Variants in DPEP1 observed in about 807,000 individuals in gnomAD.
DPEP1 encodes the protein beta-lactamase.
In DPEP1, 50 loss-of-function variants were observed where a neutral mutation model predicts 42.3. That is an observed-to-expected ratio of 1.18 (90% confidence interval 0.94 to 1.50). The LOEUF is 1.50. Ranked by LOEUF, DPEP1 falls within the 40% of genes most tolerant of loss-of-function variation. DPEP1 has a pLI of 0.00. For synonymous variants in DPEP1, 297 were observed against 234.0 expected, an observed-to-expected ratio of 1.27 and a Z score of -2.46; for missense variants, 663 against 553.0, an observed-to-expected ratio of 1.20 and a Z score of -1.99.
chr16:89,615,958 C>G (rs1040674382), intron 1 of DPEP1, among the ~76,000 whole-genome samples: 20 of 152,184 alleles, frequency 1.3e-4, no homozygotes, highest in African/African-American at 4.8e-4. Flanking sequence ...CAGGCGTCCC[C>G]TACGTGTCGT....
intron 1 of DPEP1, among the ~76,000 whole-genome samples, chr16:89,628,132 C>G (rs2151488613): frequency 6.6e-6 from 1 of 152,090 alleles, no homozygotes; most frequent in African/African-American, 2.4e-5. Context: ...CCATGTTAGC[C>G]AGGATGGTCT....
intron 2 of DPEP1, among the ~76,000 whole-genome samples, chr16:89,633,917 C>T (rs2059623653): frequency 6.6e-6 from 1 of 152,136 alleles, no homozygotes; most frequent in Non-Finnish European, 1.5e-5. Context: ...ACTGAGGCCC[C>T]AGACCCAGTG....
intron 1 of DPEP1, among the ~76,000 whole-genome samples, chr16:89,627,145 C>T (rs916585084): frequency 2.6e-5 from 4 of 151,792 alleles, no homozygotes; most frequent in East Asian, 1.9e-4. Context: ...TGGTGGCGGG[C>T]GCCTGTAGTC....
chr16:89,632,715 C>G (rs1409966806), intron 2 of DPEP1, among the ~76,000 whole-genome samples: 1 of 152,182 alleles, frequency 6.6e-6, no homozygotes, highest in African/African-American at 2.4e-5. Flanking sequence ...GGCCTCCCTC[C>G]CACTGAGAAA....
intron 1 of DPEP1, among the ~76,000 whole-genome samples, chr16:89,627,212 G>C (rs897107083): frequency 6.7e-6 from 1 of 149,636 alleles, no homozygotes; most frequent in African/African-American, 2.5e-5. Flanking sequence ...GGCAGAGCTT[G>C]CAGTGAGCTG....
chr16:89,624,603 CGGCTCACTGCAACCTCT>C (rs1370396107), intron 1 of DPEP1, among the ~76,000 whole-genome samples: 2 of 151,804 alleles, frequency 1.3e-5, no homozygotes, highest in African/African-American at 4.8e-5. Flanking sequence ...GGCGCCATCT[CGGCTCACTGCAACCTCT>C]GCCTCCCAGG....
At chr16:89,640,957 C>T (rs1471716152), downstream of DPEP1, among the ~76,000 whole-genome samples, 2 of 152,160 alleles carry the variant, frequency 1.3e-5, no homozygotes, top group African/African-American at 4.8e-5. Context: ...GAGCCATCTC[C>T]AGTGATTGAT....
At chr16:89,633,433 A>T (rs2151495447) in intron 2 of DPEP1, among the ~76,000 whole-genome samples, 1 of 152,342 alleles carries the variant, frequency 6.6e-6, no homozygotes, top group Non-Finnish European at 1.5e-5. Context: ...GAGGTCAGGA[A>T]CGACTGGGAC....
At chr16:89,637,575 AG>A in intron 8 of DPEP1, 23 bp downstream of exon 8, 1 of 1,612,784 alleles carries the variant, frequency 6.2e-7, no homozygotes, top group Non-Finnish European at 8.5e-7. Context: ...TGAGCGGCCA[AG>A]GGGGCCGAAG....
rs2151505413 is a variant in DPEP1, at chr16:89,638,292, A to G, written c.*70A>G. On this transcript the variant is annotated 3_prime_UTR_variant, in exon 11 of 11. Coordinates refer to ENST00000690203, the MANE Select transcript of DPEP1 (RefSeq NM_001389466.1). ...GAAGACCCGCCCATCCCAGGACTCC[A>G]GATGCCAGGAGCCCTGCTGCCCACA... The G allele has an allele frequency of 1.4e-6, 2 of 1,466,222 alleles. No homozygotes were observed. The highest frequency in any genetic ancestry group is 2.4e-5 in the East Asian group (1 of 40,834). 90.8% of individuals were successfully genotyped at this position (1,466,222 alleles called of 1,614,324 possible).
At chr16:89,640,129 C>A (rs541926257), downstream of DPEP1, among the ~76,000 whole-genome samples, 3 of 152,324 alleles carry the variant, frequency 2.0e-5, no homozygotes, top group East Asian at 3.9e-4. Flanking sequence ...GAGCTTGGGG[C>A]TCAGTGCCTT....
downstream of DPEP1, among the ~76,000 whole-genome samples, chr16:89,641,227 G>GA (rs1491452468): frequency 6.6e-6 from 1 of 151,902 alleles, no homozygotes; most frequent in African/African-American, 2.4e-5. Flanking sequence ...CTGCGGGGGG[G>GA]GGTTGACTGA....
Position 89,637,963 on chromosome 16 carries a change from G to A in DPEP1, c.1057G>A (p.Val353Met). Residue 353 changes from valine (V) to methionine (M), a missense_variant, in exon 10 of 11, where the codon GTG (valine) becomes ATG (methionine). By Grantham distance (21) the Val-to-Met change is conservative. Transcript: ENST00000690203. ...ADNLLRVFEA[V>M]EQASNLTQAP... ...CAACCTGCTGAGGGTCTTCGAGGCT[G>A]TGGAACAGGTGAGGATGGGGTGGCC... The A allele has an allele frequency of 6.2e-7, 1 of 1,608,452 alleles. No homozygotes were observed. The highest frequency in any genetic ancestry group is 8.5e-7 in the Non-Finnish European group (1 of 1,178,084).
chr16:89,636,419 C>T (rs2059679875), intron 4 of DPEP1, 23 bp downstream of exon 4: 1 of 1,604,926 alleles, frequency 6.2e-7, no homozygotes, highest in Non-Finnish European at 8.5e-7. Flanking sequence ...CCTGGGTCCT[C>T]CAGGTCCTGC....
intron 1 of DPEP1, chr16:89,616,792 GGGCAGGAAGCA>G (rs2059382597): frequency 7.3e-6 from 2 of 275,218 alleles, no homozygotes; most frequent in Admixed American, 5.2e-5. Flanking sequence ...GGCAGGAAGT[GGGCAGGAAGCA>G]GGCAGAAAGC....
At chr16:89,628,803 G>C (rs1222501213) in intron 1 of DPEP1, among the ~76,000 whole-genome samples, 1 of 151,950 alleles carries the variant, frequency 6.6e-6, no homozygotes, top group African/African-American at 2.4e-5. Context: ...AAAGGTTTGT[G>C]GGGGAGGGGG....
At chr16:89,631,731 C>T (rs995142070) in intron 2 of DPEP1, among the ~76,000 whole-genome samples, 1 of 152,142 alleles carries the variant, frequency 6.6e-6, no homozygotes, top group Non-Finnish European at 1.5e-5. Context: ...GTGGCGCATG[C>T]CTGTAGTCCC....
In DPEP1 at chr16:89,618,777, T is replaced by C. The variant is rs143079315; in HGVS notation, c.-107+5058T>C. Among the ~76,000 whole-genome samples, 4 of 151,910 alleles carry C rather than the reference T, an allele frequency of 2.6e-5. No individual in the cohort carries two copies. The East Asian group carries it at 7.8e-4, about 30-fold the overall frequency. On this transcript the variant is annotated intron_variant, in intron 1 of 10. Coordinates refer to ENST00000690203, the MANE Select transcript of DPEP1 (RefSeq NM_001389466.1). ...CCCGGGCAAAGTTGCACAATTCGCA[T>C]TTTGTAACTTATAGATTAATATTTA...
intron 1 of DPEP1, among the ~76,000 whole-genome samples, chr16:89,614,782 G>A (rs925477317): frequency 5.3e-5 from 8 of 152,130 alleles, no homozygotes; most frequent in South Asian, 2.1e-4. Context: ...GTGACAGAGC[G>A]AGACTCCGTA....
Sources: gnomAD v4.1 joint callset for allele counts (sites outside exome capture counted in the v4.1 genomes callset) on GRCh38, gnomAD v4.1.1 for gene constraint, MANE v1.5 for transcripts, NCBI Gene and HGNC (gene_info 2026-07-23, HGNC 2026-07-21) for gene names.